The following GREB1L variants were observed in gnomAD, a reference collection of about 807,000 sequenced individuals.
GREB1L encodes GREB1-like protein.
Under a neutral mutation model 200.8 loss-of-function variants are expected in GREB1L, and 17 were observed. The ratio of observed to expected loss-of-function variants is 0.08; its 90% CI spans 0.06 to 0.13. The LOEUF (loss-of-function observed/expected upper bound fraction) is 0.13, where lower values mean the gene tolerates loss of function less well. Ranked by LOEUF, GREB1L falls within the 10% of genes least tolerant of loss-of-function variation. The pLI is 1.00. For synonymous variants in GREB1L, 789 were observed against 893.0 expected (o/e 0.88, Z 2.08); for missense variants, 1,657 against 2,367.7 (o/e 0.70, Z 6.23).
chr18:21,371,354 A>G (rs893551157), intron 2 of GREB1L, among the ~76,000 whole-genome samples: 1 of 152,170 alleles, frequency 6.6e-6, no homozygotes, highest in African/African-American at 2.4e-5. Flanking sequence ...TGGAACTTTT[A>G]CATTATTTTT....
At chr18:21,258,438 C>T (rs2037835719) in intron 1 of GREB1L, among the ~76,000 whole-genome samples, 2 of 152,194 alleles carry the variant, frequency 1.3e-5, no homozygotes. Context: ...ATAATAGTAG[C>T]AGGTCTGTAG....
chr18:21,486,968 A>C (rs945609004), intron 18 of GREB1L, among the ~76,000 whole-genome samples: 2 of 152,268 alleles, frequency 1.3e-5, no homozygotes, highest in African/African-American at 4.8e-5. Context: ...CTATGGATGC[A>C]TCCTATTCAG....
At chr18:21,475,447 C>T (rs2145712097) in intron 16 of GREB1L, among the ~76,000 whole-genome samples, 1 of 152,236 alleles carries the variant, frequency 6.6e-6, no homozygotes, top group Non-Finnish European at 1.5e-5. Flanking sequence ...GCAACCCCCG[C>T]CTTCCGGGTT....
At position 21,383,527 on chromosome 18, in the gene GREB1L, T is replaced by TA; in HGVS notation, c.9_10insA (p.Ser4IlefsTer12). On this transcript the variant is annotated frameshift_variant, in exon 3 of 33. Transcript: ENST00000424526. LOFTEE classifies it high-confidence loss of function. Reference sequence around the variant, plus strand: ...ATGGGTAGGTGTAGATCATGGGGAATTCATATGCTGGGCAACTGAAATCTG... The same window carrying TA: ...ATGGGTAGGTGTAGATCATGGGGAATATCATATGCTGGGCAACTGAAATCTG... 1.4e-6 allele frequency: 2 copies of TA among 1,473,634 alleles called. No homozygotes were observed. Among genetic ancestry groups the TA allele is most frequent in the South Asian group, 1.4e-5 (1 of 71,954 alleles). 91.3% of individuals were successfully genotyped at this position (1,473,634 alleles called of 1,614,324 possible).
chr18:21,375,543 T>C (rs2040038513), intron 2 of GREB1L, among the ~76,000 whole-genome samples: 1 of 152,172 alleles, frequency 6.6e-6, no homozygotes, highest in Non-Finnish European at 1.5e-5. Flanking sequence ...CTTTTCTGAT[T>C]TTTTTCTTTG....
chr18:21,295,682 A>G (rs2038515912), intron 1 of GREB1L, among the ~76,000 whole-genome samples: 1 of 152,198 alleles, frequency 6.6e-6, no homozygotes, highest in African/African-American at 2.4e-5. Flanking sequence ...AGCGCCCTCC[A>G]CTGCTAATGC....
At position 21,384,166 on chromosome 18, in the gene GREB1L, T is replaced by C. The variant is rs754289654; in HGVS notation, c.158-40T>C. 4.6e-6 allele frequency: 6 copies of C among 1,311,198 alleles called. No individual in the cohort carries two copies. In the South Asian group the frequency reaches 6.6e-5, roughly 14 times the overall value. 81.2% of individuals were successfully genotyped at this position (1,311,198 alleles called of 1,614,324 possible). On this transcript the variant is annotated intron_variant, in intron 3 of 32. Transcript: ENST00000424526. ...AGAACTGTGCATTTTTCCATAAGCATCTTTTTATTAAATCTGCTGTGATTT... is the reference window on the plus strand; with the variant it reads ...AGAACTGTGCATTTTTCCATAAGCACCTTTTTATTAAATCTGCTGTGATTT...
At chr18:21,303,654 C>T (rs768716570) in intron 1 of GREB1L, among the ~76,000 whole-genome samples, 29 of 152,314 alleles carry the variant, frequency 1.9e-4, no homozygotes, top group Non-Finnish European at 3.7e-4. Context: ...TTGCCACTTC[C>T]GGCCCTATTG....
rs2033898924 is a variant in GREB1L at position 21,441,497 on chromosome 18, C to T, written c.1167C>T (p.Asn389=). 1 of 1,551,564 alleles carries T rather than the reference C, an allele frequency of 6.4e-7. No homozygotes were observed. The highest frequency in any genetic ancestry group is 2.4e-5 in the East Asian group (1 of 40,904). The change falls in exon 10 of 33, where the codon AAC becomes AAT. Residue 389 remains asparagine (N), a synonymous_variant. Transcript: ENST00000424526. ...PAGETVIVPE[N]LLSNSGVRPV... is the part of the protein sequence containing the mutation. Reference sequence around the variant, plus strand: ...GGGAAACTGTAATTGTTCCTGAAAACCTGCTGAGTAACTCAGGAGTTAGAC... The same window carrying T: ...GGGAAACTGTAATTGTTCCTGAAAATCTGCTGAGTAACTCAGGAGTTAGAC...
chr18:21,388,097 G>T (rs2040618332), intron 4 of GREB1L, among the ~76,000 whole-genome samples: 1 of 152,122 alleles, frequency 6.6e-6, no homozygotes, highest in Admixed American at 6.5e-5. Flanking sequence ...ACTTTTGCTT[G>T]ACTTAATGAG....
intron 4 of GREB1L, among the ~76,000 whole-genome samples, chr18:21,393,230 T>A (rs1426408141): frequency 6.6e-6 from 1 of 152,180 alleles, no homozygotes; most frequent in African/African-American, 2.4e-5. Flanking sequence ...ATGATAATGG[T>A]GCTCTCCTCG....
intron 7 of GREB1L, among the ~76,000 whole-genome samples, chr18:21,437,770 C>T (rs1165051620): frequency 8.5e-5 from 13 of 152,098 alleles, no homozygotes; most frequent in Admixed American, 8.5e-4. Context: ...GTTTCAGGGA[C>T]GTAGCCACTA....
chr18:21,412,343 G>A (rs866562225), intron 7 of GREB1L, among the ~76,000 whole-genome samples: 6 of 152,186 alleles, frequency 3.9e-5, no homozygotes, highest in South Asian at 4.1e-4. Context: ...AGCCTGGGAG[G>A]TCAAGGCCGC....
intron 15 of GREB1L, among the ~76,000 whole-genome samples, chr18:21,459,279 C>CTTTTTTTTTTTTTTTTTTTTTTTTTTTTT (rs746568414): frequency 3.5e-5 from 3 of 85,930 alleles, no homozygotes; most frequent in South Asian, 4.4e-4. Context: ...TTTTTCTTTA[C>CTTTTTTTTTTTTTTTTTTTTTTTTTTTTT]TTTTTTTTTT....
At chr18:21,341,986 T>C (rs1460288832) in intron 1 of GREB1L, among the ~76,000 whole-genome samples, 2 of 152,106 alleles carry the variant, frequency 1.3e-5, no homozygotes, top group African/African-American at 4.8e-5. Context: ...TGGGGAGATA[T>C]GATGAGAAAT....
Position 21,522,668 on chromosome 18 carries a change from G to A in GREB1L, c.5619G>A (p.Leu1873=), listed in dbSNP as rs2037623909. 1.3e-6 allele frequency: 2 copies of A among 1,551,330 alleles called. No homozygotes were observed. Among genetic ancestry groups the A allele is most frequent in the Non-Finnish European group, 1.7e-6 (2 of 1,146,892 alleles). The change falls in exon 33 of 33, where the codon CTG becomes CTA. Residue 1873 remains leucine, a synonymous_variant. Transcript: ENST00000424526. ...TCTTTTTTCCTGAAGGTGCTACACT[G>A]TGTGTCATCTGCCAAGACAGAAGTT... ...KKFKFLKGAT[L]CVICQDRSSL...
intron 18 of GREB1L, among the ~76,000 whole-genome samples, chr18:21,488,403 C>T (rs1315036220): frequency 6.6e-6 from 1 of 152,200 alleles, no homozygotes; most frequent in Non-Finnish European, 1.5e-5. Context: ...TGATAGCTGT[C>T]ATTGGCATTT....
intron 7 of GREB1L, among the ~76,000 whole-genome samples, chr18:21,414,341 G>GA (rs61445001): frequency 8.6e-5 from 13 of 150,786 alleles, no homozygotes; most frequent in East Asian, 3.9e-4. Flanking sequence ...TGTACTAAAA[G>GA]AAAAAAAAAC....
chr18:21,499,360 G>T (rs28501682), intron 21 of GREB1L, among the ~76,000 whole-genome samples: 3,358 of 152,264 alleles, frequency 0.022, 138 homozygotes, highest in African/African-American at 0.076. Flanking sequence ...GTGCTGGGGG[G>T]TGGTTAACCC....
Sources: allele counts gnomAD v4.1 joint callset (sites outside exome capture counted in the v4.1 genomes callset), GRCh38; gene constraint gnomAD v4.1.1; transcripts MANE v1.5; gene names NCBI Gene and HGNC (gene_info 2026-07-23, HGNC 2026-07-21).